Variants in ZNF714 observed in about 807,000 individuals in gnomAD.
ZNF714 encodes the protein zinc finger protein 714.
In ZNF714, 32 loss-of-function variants were observed where a neutral mutation model predicts 46.2. That is an observed-to-expected ratio of 0.69 (90% CI 0.52 to 0.93). The LOEUF is 0.93. Ranked by LOEUF, ZNF714 falls within the 40% of genes least tolerant of loss-of-function variation. The pLI is 0.00. For synonymous variants in ZNF714, 199 were observed against 213.1 expected (o/e 0.93, Z 0.58); for missense variants, 635 against 646.3 (o/e 0.98, Z 0.19).
rs370063763 is a variant in ZNF714, at chr19:21,116,396, A to G, written c.143-411A>G. Among the ~76,000 whole-genome samples the G allele has an allele frequency of 3.9e-5, 6 of 152,250 alleles. No individual in the cohort carries two copies. The East Asian group carries it at 1.2e-3, about 29-fold the overall frequency. ...TGTTACGGGAGACCAGTTTCTGGAA[A>G]GGCCCCTAGAAGCAAGTAATATAGA... On this transcript the variant is annotated intron_variant, in intron 4 of 4. Coordinates refer to ENST00000456283, the MANE Select transcript of ZNF714 (RefSeq NM_182515.4).
intron 2 of ZNF714, among the ~76,000 whole-genome samples, chr19:21,093,721 C>T (rs1968975577): frequency 6.6e-6 from 1 of 152,066 alleles, no homozygotes; most frequent in South Asian, 2.1e-4. Flanking sequence ...TCAGCCTCAA[C>T]CTTCCAGGCT....
At chr19:21,115,234 AT>A (rs1339980248) in intron 4 of ZNF714, among the ~76,000 whole-genome samples, 4 of 151,766 alleles carry the variant, frequency 2.6e-5, no homozygotes, top group Non-Finnish European at 5.9e-5. Context: ...ACAAATGTTT[AT>A]AATGATTTCT....
At chr19:21,092,419 CT>C (rs1428060784) in intron 2 of ZNF714, among the ~76,000 whole-genome samples, 1 of 152,218 alleles carries the variant, frequency 6.6e-6, no homozygotes, top group Non-Finnish European at 1.5e-5. Flanking sequence ...CAGCAGCAAA[CT>C]ATTTTCCCCA....
intron 4 of ZNF714, among the ~76,000 whole-genome samples, chr19:21,105,937 A>G (rs563299363): frequency 1.3e-5 from 2 of 152,060 alleles, no homozygotes; most frequent in South Asian, 4.1e-4. Flanking sequence ...CCTTGGTGAC[A>G]GAATGAGACT....
chr19:21,106,822 T>TTATGTATG (rs542914479), intron 4 of ZNF714, among the ~76,000 whole-genome samples: 2 of 151,892 alleles, frequency 1.3e-5, no homozygotes, highest in African/African-American at 4.8e-5. Flanking sequence ...TTTAGCTTAT[T>TTATGTATG]TATGTATGTA....
intron 2 of ZNF714, among the ~76,000 whole-genome samples, chr19:21,094,718 G>A (rs765666824): frequency 6.6e-6 from 1 of 151,998 alleles, no homozygotes. Flanking sequence ...GTAAAGATAG[G>A]ATTTCTCCAT....
In ZNF714 at chr19:21,082,337, A is replaced by C. The variant is rs956524369; in HGVS notation, c.-188A>C. 5.5e-6 allele frequency: 8 copies of C among 1,455,368 alleles called. No homozygotes were observed. In the African/African-American group the frequency reaches 1.1e-4, roughly 20 times the overall value. 90.2% of individuals were successfully genotyped at this position (1,455,368 alleles called of 1,614,324 possible). On this transcript the variant is annotated 5_prime_UTR_variant, in exon 1 of 5. Coordinates refer to ENST00000456283, the MANE Select transcript of ZNF714 (RefSeq NM_182515.4). ...CAGCTAAGACGCCAGGTACCCCGGAAGCCTAGAAATGGTGAGAGTGCCGGG... is the reference window on the plus strand; with the variant it reads ...CAGCTAAGACGCCAGGTACCCCGGACGCCTAGAAATGGTGAGAGTGCCGGG...
In ZNF714 at chr19:21,117,477, C is replaced by T. The variant is rs1969626047; in HGVS notation, c.813C>T (p.Ala271=). 6.2e-7 allele frequency: 1 copy of T among 1,610,368 alleles called. No individual in the cohort carries two copies. The change falls in exon 5 of 5, where the codon GCC becomes GCT. Residue 271 remains alanine (A), a synonymous_variant. Coordinates refer to ENST00000456283, the MANE Select transcript of ZNF714 (RefSeq NM_182515.4). ...ECGKAFNHPS[A]LTTHKFIHVK... is the part of the protein sequence containing the mutation. ...GTAAAGCTTTTAACCACCCTTCAGC[C>T]CTTACTACACATAAGTTCATTCATG... is the stretch of plus-strand genomic sequence containing the variant.
At chr19:21,102,948 GATAAATCAGCC>G (rs1159378421) in intron 4 of ZNF714, among the ~76,000 whole-genome samples, 1 of 152,052 alleles carries the variant, frequency 6.6e-6, no homozygotes, top group Non-Finnish European at 1.5e-5. Flanking sequence ...TTAATTAAGA[GATAAATCAGCC>G]ATACATCTAT....
rs1969094440 is a variant in ZNF714 at position 21,098,436 on chromosome 19, A to C, written c.43+125A>C. On this transcript the variant is annotated intron_variant, in intron 3 of 4. Transcript: ENST00000456283. ...AGTTTCTGATCCCAGTTTTCAAGAA[A>C]ATCTTGATGATTTGTCTCTGTAGAA... 3.3e-6 allele frequency: 4 copies of C among 1,211,642 alleles called. No individual in the cohort carries two copies. The East Asian group carries it at 9.9e-5, about 30-fold the overall frequency. The allele number at this position is 1,211,642 out of a possible 1,614,324, so 75.1% of individuals were successfully genotyped here. A position where few individuals can be genotyped will look rare whatever the true frequency, so the allele number is the denominator to read the frequency against.
chr19:21,082,463 GGA>G lies in ZNF714; in HGVS notation c.-177+117_-177+118del, dbSNP rs1968675402. 4.6e-6 allele frequency: 5 copies of G among 1,076,030 alleles called. No homozygotes were observed. The Admixed American group carries it at 6.2e-5, about 13-fold the overall frequency. 66.7% of individuals were successfully genotyped at this position (1,076,030 alleles called of 1,614,324 possible). A position where few individuals can be genotyped will look rare whatever the true frequency, so the allele number is the denominator to read the frequency against. On this transcript the variant is annotated intron_variant, in intron 1 of 4. Coordinates refer to ENST00000456283, the MANE Select transcript of ZNF714 (RefSeq NM_182515.4). ...GCAGTCAACTCTACAATCTGCGCCCGGAGTTCTCCTTGCTCAGCTCGGCCTCA... is the reference window on the plus strand; with the variant it reads ...GCAGTCAACTCTACAATCTGCGCCCGGTTCTCCTTGCTCAGCTCGGCCTCA...
intron 4 of ZNF714, among the ~76,000 whole-genome samples, chr19:21,114,075 C>G (rs1435280628): frequency 3.3e-5 from 5 of 152,098 alleles, no homozygotes; most frequent in Non-Finnish European, 5.9e-5. Context: ...GAATTGATCT[C>G]TTTACCATTA....
In ZNF714 at chr19:21,096,144, C is replaced by A. The variant is rs562574081; in HGVS notation, c.-84-2041C>A. Among the ~76,000 whole-genome samples, 193 of 152,220 alleles carry A rather than the reference C, an allele frequency of 1.3e-3. 1 individual carries two copies. The highest frequency in any genetic ancestry group is 4.4e-3 in the African/African-American group (183 of 41,540). On this transcript the variant is annotated intron_variant, in intron 2 of 4. Transcript: ENST00000456283. ...TAGTAGAAATTGTTGGTGTCTGTGGCAGGGGAGGGCACCTGTGGACGGTAA... is the reference window on the plus strand; with the variant it reads ...TAGTAGAAATTGTTGGTGTCTGTGGAAGGGGAGGGCACCTGTGGACGGTAA...
intron 4 of ZNF714, among the ~76,000 whole-genome samples, chr19:21,112,815 G>GTTTTTTTTTTT (rs1314785181): frequency 2.4e-5 from 1 of 41,744 alleles, no homozygotes; most frequent in African/African-American, 6.5e-5. Flanking sequence ...TTTTATTTCT[G>GTTTTTTTTTTT]ATTTTTTTTT....
chr19:21,117,195 A>T lies in ZNF714; in HGVS notation c.531A>T (p.Glu177Asp). 1 of 1,614,120 alleles carries T rather than the reference A, an allele frequency of 6.2e-7. No homozygotes were observed. The highest frequency in any genetic ancestry group is 8.5e-7 in the Non-Finnish European group (1 of 1,179,968). The stretch of plus-strand genomic sequence containing the variant: ...GAGAGAATTCTTACCAATGTGAAGA[A>T]TGTGACAAAGTGTTTAAGCGGTTCT... ...HIRENSYQCE[E>D]CDKVFKRFST... The change falls in exon 5 of 5, where the codon GAA becomes GAT. Residue 177 changes from glutamate to aspartate, a missense_variant. Physicochemically the swap from Glu to Asp is conservative, Grantham distance 45. Transcript: ENST00000456283.
rs769819966 is a variant in ZNF714 at position 21,116,977 on chromosome 19, C to T, written c.313C>T (p.Leu105=). 6.2e-7 allele frequency: 1 copy of T among 1,613,566 alleles called. No individual in the cohort carries two copies. Among genetic ancestry groups the T allele is most frequent in the East Asian group, 2.2e-5 (1 of 44,834 alleles). The change falls in exon 5 of 5, where the codon CTA becomes TTA. Residue 105 remains leucine (L), a synonymous_variant. Coordinates refer to ENST00000456283, the MANE Select transcript of ZNF714 (RefSeq NM_182515.4). Reference sequence around the variant, plus strand: ...GGTGTACAAAAAAGGTTATAATGAACTAAACCAGTGTTTGACAACTACCCA... The same window carrying T: ...GGTGTACAAAAAAGGTTATAATGAATTAAACCAGTGTTTGACAACTACCCA... ...CKVYKKGYNE[L]NQCLTTTQSK...
intron 4 of ZNF714, among the ~76,000 whole-genome samples, chr19:21,103,795 T>C (rs998920299): frequency 2.0e-5 from 3 of 151,826 alleles, no homozygotes; most frequent in Non-Finnish European, 4.4e-5. Context: ...ATTTGGGAGA[T>C]TGAGGGGAGG....
chr19:21,095,000 GT>G (rs570311877), intron 2 of ZNF714, among the ~76,000 whole-genome samples: 3,813 of 151,528 alleles, frequency 0.025, 48 homozygotes, highest in Non-Finnish European at 0.035. Context: ...TTTTAATGAA[GT>G]TTTTTTTTCT....
chr19:21,087,989 C>T (rs560437738), intron 2 of ZNF714, among the ~76,000 whole-genome samples: 2 of 152,246 alleles, frequency 1.3e-5, no homozygotes, highest in East Asian at 1.9e-4. Context: ...ATTTTAATTA[C>T]GTACTAGGCG....
Sources: allele counts gnomAD v4.1 joint callset (sites outside exome capture counted in the v4.1 genomes callset), GRCh38; gene constraint gnomAD v4.1.1; transcripts MANE v1.5; gene names NCBI Gene and HGNC (gene_info 2026-07-23, HGNC 2026-07-21).